WWOX: variants seen among roughly 807,000 people sequenced by gnomAD.
The protein encoded by WWOX is WW domain containing oxidoreductase.
A neutral mutation model predicts 46.2 loss-of-function variants in WWOX; 69 were observed. The ratio of observed to expected loss-of-function variants is 1.49; its 90% confidence interval spans 1.23 to 1.82. The LOEUF (loss-of-function observed/expected upper bound fraction) is 1.82, where lower values mean the gene tolerates loss of function less well. Among genes scored for constraint, WWOX ranks in the 40% most tolerant of loss-of-function variants. The probability of loss-of-function intolerance (pLI) is 0.00; values close to 1 mark genes in which losing one functional copy is unlikely to be tolerated. For synonymous variants in WWOX, 359 were observed against 202.6 expected, an observed-to-expected ratio of 1.77 and a Z score of -6.56; for missense variants, 919 against 542.6, an observed-to-expected ratio of 1.69 and a Z score of -6.89.
At chr16:78,573,014 A>G (rs1403085336) in intron 8 of WWOX, among the ~76,000 whole-genome samples, 1 of 152,212 alleles carries the variant, frequency 6.6e-6, no homozygotes, top group Admixed American at 6.5e-5. Flanking sequence ...ATAGCCGGGC[A>G]CGGTGGCTCA....
At chr16:78,764,281 C>A (rs1028443179) in intron 8 of WWOX, among the ~76,000 whole-genome samples, 4 of 151,738 alleles carry the variant, frequency 2.6e-5, no homozygotes, top group African/African-American at 9.7e-5. Flanking sequence ...TGGGGAGGAG[C>A]TGCCACCCAG....
At chr16:78,643,091 C>G (rs188900239) in intron 8 of WWOX, among the ~76,000 whole-genome samples, 1 of 152,276 alleles carries the variant, frequency 6.6e-6, no homozygotes, top group African/African-American at 2.4e-5. Flanking sequence ...AGATAAGGTG[C>G]TCTCCATTGT....
In WWOX at chr16:78,864,754, C is replaced by CTTTTTT. The variant is rs57606576; in HGVS notation, c.1057-346831_1057-346826dup. On this transcript the variant is annotated intron_variant, in intron 8 of 8. Transcript: ENST00000566780. ...CTGTGTGGCTATTTTTCTCCAACTC[C>CTTTTTT]TTTTTTTTTTTTTTTTTTTTTTTTT... Among the ~76,000 whole-genome samples the CTTTTTT allele has an allele frequency of 4.2e-4, 37 of 87,154 alleles. 2 individuals carry two copies. Among genetic ancestry groups the CTTTTTT allele is most frequent in the African/African-American group, 1.8e-3 (37 of 21,052 alleles). The allele number at this position is 87,154 out of a possible 152,430, so 57.2% of individuals were successfully genotyped here.
At chr16:78,625,588 A>C (rs991417699) in intron 8 of WWOX, among the ~76,000 whole-genome samples, 1 of 151,966 alleles carries the variant, frequency 6.6e-6, no homozygotes, top group Non-Finnish European at 1.5e-5. Context: ...TATTTGGTAC[A>C]TTTATTAAGA....
At chr16:78,543,601 A>T (rs895603291) in intron 8 of WWOX, among the ~76,000 whole-genome samples, 3 of 152,208 alleles carry the variant, frequency 2.0e-5, no homozygotes, top group African/African-American at 7.2e-5. Flanking sequence ...ATATGCTGAA[A>T]GACTTGGAAT....
At chr16:78,592,534 G>A (rs954618880) in intron 8 of WWOX, among the ~76,000 whole-genome samples, 2 of 152,204 alleles carry the variant, frequency 1.3e-5, no homozygotes, top group Admixed American at 1.3e-4. Flanking sequence ...GCAAGAGGAA[G>A]AAGACAAGAA....
intron 8 of WWOX, among the ~76,000 whole-genome samples, chr16:78,495,142 G>GTTTTTTTT (rs1567605681): frequency 2.1e-5 from 1 of 46,918 alleles, no homozygotes; most frequent in Non-Finnish European, 6.5e-5. Context: ...AGACTGTTGT[G>GTTTTTTTT]TTCTTTTTTT....
chr16:78,728,664 T>G (rs919235031), intron 8 of WWOX, among the ~76,000 whole-genome samples: 6 of 152,348 alleles, frequency 3.9e-5, no homozygotes, highest in East Asian at 3.9e-4. Flanking sequence ...TGAGGGTCCC[T>G]TGACTGCACT....
chr16:79,000,584 G>A (rs947751931), intron 8 of WWOX, among the ~76,000 whole-genome samples: 1 of 152,134 alleles, frequency 6.6e-6, no homozygotes, highest in Non-Finnish European at 1.5e-5. Flanking sequence ...TTCAGGCAGC[G>A]TCTAGAAGCC....
intron 5 of WWOX, among the ~76,000 whole-genome samples, chr16:78,230,047 T>G (rs916195253): frequency 1.3e-5 from 2 of 151,990 alleles, no homozygotes; most frequent in Non-Finnish European, 2.9e-5. Context: ...ACCCAGCTAA[T>G]TTTTATATTT....
chr16:78,697,307 C>T (rs117358967), intron 8 of WWOX, among the ~76,000 whole-genome samples: 1,956 of 152,218 alleles, frequency 0.013, 19 homozygotes, highest in South Asian at 0.036. Flanking sequence ...CCCTGCTCAC[C>T]GCATTCACGC....
rs74498203 is a variant in WWOX, at chr16:78,655,615, C to T, written c.1056+222863C>T. ...GTGGGGTTTTAACTACAAAATGGAACGGCTAAGTAGTGATAATTGGGTTTG... is the reference window on the plus strand; with the variant it reads ...GTGGGGTTTTAACTACAAAATGGAATGGCTAAGTAGTGATAATTGGGTTTG... On this transcript the variant is annotated intron_variant, in intron 8 of 8. Transcript: ENST00000566780. Among the ~76,000 whole-genome samples the T allele has an allele frequency of 6.1e-3, 920 of 151,954 alleles. 7 individuals are homozygous for T. Among genetic ancestry groups the T allele is most frequent in the Non-Finnish European group, 0.011 (733 of 67,970 alleles).
At chr16:78,236,181 C>T (rs16947307) in intron 5 of WWOX, among the ~76,000 whole-genome samples, 47,441 of 152,118 alleles carry the variant, frequency 0.31, 7,733 homozygotes, top group African/African-American at 0.37. Context: ...TTTCTAATCT[C>T]GTGATAGGGC....
chr16:78,472,226 C>T (rs1021591601), intron 8 of WWOX, among the ~76,000 whole-genome samples: 9 of 152,118 alleles, frequency 5.9e-5, no homozygotes, highest in African/African-American at 2.2e-4. Context: ...CTGCATATTG[C>T]ATTCCTGTGA....
intron 8 of WWOX, among the ~76,000 whole-genome samples, chr16:79,028,625 G>A (rs1438101718): frequency 6.6e-6 from 1 of 151,242 alleles, no homozygotes; most frequent in Non-Finnish European, 1.5e-5. Flanking sequence ...TCCTGAATTA[G>A]GGTATGTTTT....
chr16:78,112,242 T>C (rs780466942), intron 3 of WWOX, among the ~76,000 whole-genome samples: 2 of 152,216 alleles, frequency 1.3e-5, no homozygotes, highest in African/African-American at 2.4e-5. Context: ...TTTTCTAGCA[T>C]TTTCACTGTA....
chr16:78,798,361 T>A (rs1293185343), intron 8 of WWOX, among the ~76,000 whole-genome samples: 2 of 152,070 alleles, frequency 1.3e-5, no homozygotes, highest in Non-Finnish European at 2.9e-5. Context: ...AGGTCAGATG[T>A]CAAAAAAGCT....
intron 8 of WWOX, among the ~76,000 whole-genome samples, chr16:78,547,127 GAAAAAAAAAAAAAAAAAAAAA>G (rs199726097): frequency 1.1e-5 from 1 of 87,516 alleles, no homozygotes; most frequent in Non-Finnish European, 2.0e-5. Flanking sequence ...CCTTGTCTCA[GAAAAAAAAAAAAAAAAAAAAA>G]AAAAAAAAAA....
chr16:78,495,159 T>TTTTTTTTTTG (rs1567605705), intron 8 of WWOX, among the ~76,000 whole-genome samples: 1 of 148,900 alleles, frequency 6.7e-6, no homozygotes, highest in African/African-American at 2.4e-5. Flanking sequence ...TTTTTTTTTT[T>TTTTTTTTTTG]GAGATAGACT....
Sources: gnomAD v4.1 joint callset for allele counts (sites outside exome capture counted in the v4.1 genomes callset) on GRCh38, gnomAD v4.1.1 for gene constraint, MANE v1.5 for transcripts, NCBI Gene and HGNC (gene_info 2026-07-23, HGNC 2026-07-21) for gene names.